Variants in CDH2 observed in about 807,000 individuals in gnomAD.
The protein encoded by CDH2 is cadherin 2, also known as cadherin-2.
Under a neutral mutation model 92.0 loss-of-function variants are expected in CDH2, and 17 were observed. That is an observed-to-expected ratio of 0.18 (90% confidence interval 0.13 to 0.28). The LOEUF is 0.28. Among genes scored for constraint, CDH2 ranks in the 10% least tolerant of loss-of-function variants. CDH2 has a pLI of 1.00. For synonymous variants in CDH2, 419 were observed against 415.9 expected (o/e 1.01, Z -0.09); for missense variants, 862 against 1,133.1 (o/e 0.76, Z 3.44).
intron 2 of CDH2, among the ~76,000 whole-genome samples, chr18:28,122,214 C>A (rs548182060): frequency 6.6e-6 from 1 of 152,182 alleles, no homozygotes; most frequent in African/African-American, 2.4e-5. Context: ...TCCAGGAAAC[C>A]TTTTTCAACC....
intron 2 of CDH2, among the ~76,000 whole-genome samples, chr18:28,047,906 G>A (rs1424970955): frequency 6.7e-6 from 1 of 150,336 alleles, no homozygotes; most frequent in African/African-American, 2.4e-5. Flanking sequence ...TGAAACCTTG[G>A]TAAGTTTGAA....
At chr18:28,163,883 C>A (rs2016340992) in intron 1 of CDH2, among the ~76,000 whole-genome samples, 1 of 151,784 alleles carries the variant, frequency 6.6e-6, no homozygotes, top group East Asian at 1.9e-4. Context: ...TTAGAAAAAC[C>A]CAGATAGTAG....
rs557451672 is a variant in CDH2, at chr18:27,940,019, T to C, written c.1152-6895A>G. ...GACCACCCTGAAGGACCAATATAGT[T>C]TTCTAGTTTCCTCAGGTATCAGTTG... On this transcript the variant is annotated intron_variant, in intron 6 of 6. Transcript: ENST00000675173. 1.9e-4 allele frequency among the ~76,000 whole-genome samples: 29 copies of C among 152,318 alleles called. No individual in the cohort carries two copies. In the South Asian group the frequency reaches 3.3e-3, roughly 17 times the overall value.
chr18:28,114,799 C>T (rs1168229231), intron 2 of CDH2, among the ~76,000 whole-genome samples: 4 of 151,844 alleles, frequency 2.6e-5, no homozygotes, highest in African/African-American at 7.3e-5. Context: ...TGACCTTAGG[C>T]ACACTACAAC....
chr18:28,132,377 C>T (rs1377608299), intron 2 of CDH2, among the ~76,000 whole-genome samples: 1 of 152,194 alleles, frequency 6.6e-6, no homozygotes, highest in African/African-American at 2.4e-5. Flanking sequence ...CAGTTTCTTT[C>T]CTTCTCTCCA....
At chr18:27,934,489 A>G (rs1427187978) in intron 6 of CDH2, among the ~76,000 whole-genome samples, 1 of 152,094 alleles carries the variant, frequency 6.6e-6, no homozygotes, top group Admixed American at 6.6e-5. Flanking sequence ...AACTTTTTCT[A>G]TTTTAGCAGG....
chr18:28,132,066 C>T (rs1311638653), intron 2 of CDH2, among the ~76,000 whole-genome samples: 1 of 152,164 alleles, frequency 6.6e-6, no homozygotes, highest in Non-Finnish European at 1.5e-5. Flanking sequence ...AGTATGGACC[C>T]CTTGTTCAAA....
Position 28,176,976 on chromosome 18 carries a change from G to T in CDH2, c.47C>A (p.Ala16Glu). ...GALRTLLPLLAALLQASVEAS... is the reference protein window; with the variant it reads ...GALRTLLPLLEALLQASVEAS... ...ACCGCCGCGTACCTGAAGCAGGGCCGCCAGCAGCGGCAGCAGGGTCCGCAG... is the reference window on the plus strand; with the variant it reads ...ACCGCCGCGTACCTGAAGCAGGGCCTCCAGCAGCGGCAGCAGGGTCCGCAG... The change falls in exon 1 of 16, where the codon GCG becomes GAG. Residue 16 changes from alanine to glutamate, a missense_variant. Transcript: ENST00000269141. 1 of 1,432,922 alleles carries T rather than the reference G, an allele frequency of 7.0e-7. No homozygotes were observed. The highest frequency in any genetic ancestry group is 9.2e-7 in the Non-Finnish European group (1 of 1,091,504). 88.8% of individuals were successfully genotyped at this position (1,432,922 alleles called of 1,614,324 possible).
rs2143851801 is a variant in CDH2 at position 27,951,921 on chromosome 18, TC to T, written c.*231del. On this transcript the variant is annotated 3_prime_UTR_variant, in exon 16 of 16. Coordinates refer to ENST00000269141, the MANE Select transcript of CDH2 (RefSeq NM_001792.5). Reference sequence around the variant, plus strand: ...AAAAGGTACAAAAAGGCACATAAAATCCCAGTGCTTCTGTACTGTAAAATTC... The same window carrying T: ...AAAAGGTACAAAAAGGCACATAAAATCCAGTGCTTCTGTACTGTAAAATTC... The T allele has an allele frequency of 5.8e-6, 3 of 519,204 alleles. No homozygotes were observed. In the South Asian group the frequency reaches 7.5e-5, roughly 13 times the overall value. The allele number at this position is 519,204 out of a possible 1,614,324, so 32.2% of individuals were successfully genotyped here. A position where few individuals can be genotyped will look rare whatever the true frequency, so the allele number is the denominator to read the frequency against.
intron 2 of CDH2, among the ~76,000 whole-genome samples, chr18:28,026,018 C>T (rs2013544431): frequency 6.6e-6 from 1 of 152,100 alleles, no homozygotes; most frequent in East Asian, 1.9e-4. Context: ...ATTCTAGTGG[C>T]TATGAAGTCA....
At chr18:28,029,770 G>T (rs1279248612) in intron 2 of CDH2, among the ~76,000 whole-genome samples, 2 of 151,994 alleles carry the variant, frequency 1.3e-5, no homozygotes, top group Non-Finnish European at 2.9e-5. Flanking sequence ...GCTGCTCTAG[G>T]GTTCTGCCTA....
intron 14 of CDH2, among the ~76,000 whole-genome samples, chr18:27,970,049 A>G (rs559865684): frequency 6.6e-6 from 1 of 150,840 alleles, no homozygotes; most frequent in African/African-American, 2.4e-5. Flanking sequence ...TAATATTTAA[A>G]GTTACAAAAA....
At chr18:27,985,262 A>AT in intron 12 of CDH2, 29 bp from the exon 13 acceptor site, 1 of 1,275,362 alleles carries the variant, frequency 7.8e-7, no homozygotes, top group South Asian at 1.2e-5. Context: ...ACATAGTTTG[A>AT]TAGGTAATAC....
intron 2 of CDH2, among the ~76,000 whole-genome samples, chr18:28,077,723 T>C (rs1248565093): frequency 6.6e-6 from 1 of 151,754 alleles, no homozygotes; most frequent in Admixed American, 6.6e-5. Context: ...AAACCCCGTC[T>C]CTGCCAAAAA....
At chr18:28,057,704 T>C (rs1282611417) in intron 2 of CDH2, among the ~76,000 whole-genome samples, 3 of 152,066 alleles carry the variant, frequency 2.0e-5, no homozygotes, top group East Asian at 3.8e-4. Flanking sequence ...ACTGTTAGAT[T>C]GATCAAGGTC....
intron 1 of CDH2, among the ~76,000 whole-genome samples, chr18:28,176,293 G>A (rs745410102): frequency 3.9e-5 from 6 of 152,170 alleles, no homozygotes; most frequent in Non-Finnish European, 5.9e-5. Flanking sequence ...TGAGAGGCCA[G>A]ACTCGTTCTA....
chr18:27,975,385 C>T (rs2011791634), intron 14 of CDH2, among the ~76,000 whole-genome samples: 1 of 152,214 alleles, frequency 6.6e-6, no homozygotes, highest in Non-Finnish European at 1.5e-5. Flanking sequence ...AGTCCTCATC[C>T]CTTTGATGCA....
chr18:28,061,257 T>C (rs1429279489), intron 2 of CDH2, among the ~76,000 whole-genome samples: 1 of 152,196 alleles, frequency 6.6e-6, no homozygotes, highest in African/African-American at 2.4e-5. Flanking sequence ...TGTACACATT[T>C]CCACAGTCAA....
chr18:27,968,913 GAGA>G (rs1017348173), intron 14 of CDH2, among the ~76,000 whole-genome samples: 11 of 152,308 alleles, frequency 7.2e-5, no homozygotes, highest in African/African-American at 2.6e-4. Flanking sequence ...GAAGGTGGGA[GAGA>G]AGAACACTAT....
Sources: gnomAD v4.1 joint callset for allele counts (sites outside exome capture counted in the v4.1 genomes callset) on GRCh38, gnomAD v4.1.1 for gene constraint, MANE v1.5 for transcripts, NCBI Gene and HGNC (gene_info 2026-07-23, HGNC 2026-07-21) for gene names.